AGMO: variants seen among roughly 807,000 people sequenced by gnomAD.
AGMO encodes the protein alkylglycerol monooxygenase, also known as glyceryl-ether monooxygenase.
Under a neutral mutation model 60.2 loss-of-function variants are expected in AGMO, and 75 were observed. The observed-to-expected ratio is 1.25, with a 90% CI of 1.03 to 1.51. The LOEUF (loss-of-function observed/expected upper bound fraction) is 1.51. Among genes scored for constraint, AGMO ranks in the 40% most tolerant of loss-of-function variants. The pLI is 0.00. For missense variants in AGMO, 763 were observed against 525.5 expected, an observed-to-expected ratio of 1.45 and a Z score of -4.42; for synonymous variants, 261 against 177.1, an observed-to-expected ratio of 1.47 and a Z score of -3.76.
intron 12 of AGMO, among the ~76,000 whole-genome samples, chr7:15,225,882 T>A (rs1381288791): frequency 1.3e-5 from 2 of 151,982 alleles, no homozygotes; most frequent in Non-Finnish European, 2.9e-5. Flanking sequence ...GTTTTTGACA[T>A]TTTTTTCATA....
intron 12 of AGMO, among the ~76,000 whole-genome samples, chr7:15,327,145 C>T (rs1781363272): frequency 6.6e-6 from 1 of 152,114 alleles, no homozygotes; most frequent in South Asian, 2.1e-4. Flanking sequence ...ATTACGTTCC[C>T]AGAACAGGCA....
intron 5 of AGMO, among the ~76,000 whole-genome samples, chr7:15,416,948 C>A (rs912637517): frequency 2.6e-5 from 4 of 152,190 alleles, no homozygotes; most frequent in African/African-American, 9.6e-5. Flanking sequence ...TCTCCAGAAG[C>A]AGTCATGGTG....
chr7:15,269,476 G>T (rs1434080748), intron 12 of AGMO, among the ~76,000 whole-genome samples: 1 of 152,056 alleles, frequency 6.6e-6, no homozygotes, highest in Admixed American at 6.6e-5. Context: ...AAGTGAGCTG[G>T]AAAGACAGGA....
intron 12 of AGMO, among the ~76,000 whole-genome samples, chr7:15,293,063 C>T (rs984788890): frequency 1.3e-5 from 2 of 152,020 alleles, no homozygotes; most frequent in African/African-American, 2.4e-5. Flanking sequence ...GCATCCGGCT[C>T]TTCCTCCAGT....
chr7:15,427,778 C>T (rs1299838362), intron 4 of AGMO, among the ~76,000 whole-genome samples: 1 of 151,900 alleles, frequency 6.6e-6, no homozygotes, highest in African/African-American at 2.4e-5. Context: ...CATGCAAAAC[C>T]ATATATTGCA....
At position 15,404,589 on chromosome 7, in the gene AGMO, G is replaced by T. The variant is rs78341164; in HGVS notation, c.610-10410C>A. Among the ~76,000 whole-genome samples, 237 of 151,856 alleles carry T rather than the reference G, an allele frequency of 1.6e-3. 4 individuals are homozygous for T. In the East Asian group the frequency reaches 0.041, roughly 26 times the overall value. On this transcript the variant is annotated intron_variant, in intron 5 of 12. Coordinates refer to ENST00000342526, the MANE Select transcript of AGMO (RefSeq NM_001004320.2). ...AGGTTTAGGCATCCAGTGATAAATG[G>T]AATCATGCTAGTATGAGTAATAATA...
intron 2 of AGMO, among the ~76,000 whole-genome samples, chr7:15,553,587 A>G (rs1276354932): frequency 6.6e-6 from 1 of 151,996 alleles, no homozygotes; most frequent in Non-Finnish European, 1.5e-5. Flanking sequence ...CCCTCAGTTT[A>G]ATACCTTTTT....
chr7:15,124,252 G>GT, the AGMO span, among the ~76,000 whole-genome samples: 3 of 151,850 alleles, frequency 2.0e-5, no homozygotes, highest in South Asian at 2.1e-4. Context: ...TGGCTGACTG[G>GT]TTTTTTCCCT....
chr7:15,535,275 G>A (rs1404467063), intron 3 of AGMO, among the ~76,000 whole-genome samples: 1 of 151,538 alleles, frequency 6.6e-6, no homozygotes, highest in African/African-American at 2.4e-5. Context: ...TTATTTCTTA[G>A]ACATAAGCTT....
At chr7:15,317,733 G>C (rs939946114) in intron 12 of AGMO, among the ~76,000 whole-genome samples, 1 of 151,718 alleles carries the variant, frequency 6.6e-6, no homozygotes, top group Non-Finnish European at 1.5e-5. Context: ...TCTGTTATAA[G>C]AAGTAGTAGA....
At chr7:15,165,315 C>A in the AGMO span, among the ~76,000 whole-genome samples, 1 of 151,996 alleles carries the variant, frequency 6.6e-6, no homozygotes, top group Non-Finnish European at 1.5e-5. Context: ...ACACTAGAAG[C>A]CCAAACCTGA....
intron 2 of AGMO, among the ~76,000 whole-genome samples, chr7:15,558,000 TCTC>T (rs1785194660): frequency 5.7e-3 from 2 of 348 alleles, no homozygotes; most frequent in Admixed American, 0.042. Context: ...TTTTTCCTTC[TCTC>T]TCTCTCTCTC....
chr7:15,358,861 T>C (rs559412655), intron 12 of AGMO, among the ~76,000 whole-genome samples: 1 of 152,160 alleles, frequency 6.6e-6, no homozygotes, highest in Non-Finnish European at 1.5e-5. Context: ...TTGGGGATGA[T>C]GACCTAAATG....
chr7:15,529,556 A>AGTATATATATTCTATATATAGAGT (rs1562554675), intron 3 of AGMO, among the ~76,000 whole-genome samples: 15 of 55,060 alleles, frequency 2.7e-4, no homozygotes, highest in African/African-American at 9.3e-4. Flanking sequence ...ATATATATAG[A>AGTATATATATTCTATATATAGAGT]ATATATATTC....
rs1380346979 is a variant in AGMO, at chr7:15,322,595, T to TATATATAAATATATATAA, written c.1263+42901_1263+42918dup. Among the ~76,000 whole-genome samples the TATATATAAATATATATAA allele has an allele frequency of 1.8e-4, 8 of 44,680 alleles. 1 individual carries two copies. Among genetic ancestry groups the TATATATAAATATATATAA allele is most frequent in the East Asian group, 4.9e-4 (1 of 2,026 alleles). The allele number at this position is 44,680 out of a possible 152,430, so 29.3% of individuals were successfully genotyped here. On this transcript the variant is annotated intron_variant, in intron 12 of 12. Transcript: ENST00000342526. Reference sequence around the variant, plus strand: ...ATATAAATATATATAAATATATAAATATATATAAATATATATAAATATATA... The same window carrying TATATATAAATATATATAA: ...ATATAAATATATATAAATATATAAATATATATAAATATATATAAATATATAAATATATATAAATATATA...
intron 3 of AGMO, among the ~76,000 whole-genome samples, chr7:15,512,609 A>C (rs946397947): frequency 1.3e-5 from 2 of 152,178 alleles, no homozygotes; most frequent in African/African-American, 4.8e-5. Flanking sequence ...GTTTGCCTAC[A>C]TATTTAGTTG....
At chr7:15,284,640 C>G (rs760043668) in intron 12 of AGMO, among the ~76,000 whole-genome samples, 4 of 151,826 alleles carry the variant, frequency 2.6e-5, no homozygotes, top group Admixed American at 6.6e-5. Context: ...TTCCACCAGA[C>G]AGTCAAAGAA....
chr7:15,134,469 G>A, the AGMO span, among the ~76,000 whole-genome samples: 3 of 152,064 alleles, frequency 2.0e-5, no homozygotes, highest in Non-Finnish European at 4.4e-5. Context: ...CCACCCTCAA[G>A]TAGGCCCTGG....
At chr7:15,368,304 A>G (rs994977095) in intron 10 of AGMO, among the ~76,000 whole-genome samples, 1 of 151,786 alleles carries the variant, frequency 6.6e-6, no homozygotes, top group Admixed American at 6.6e-5. Flanking sequence ...AACCAGAAAA[A>G]TATTTTCCTG....
Sources: gnomAD v4.1 joint callset for allele counts (sites outside exome capture counted in the v4.1 genomes callset) on GRCh38, gnomAD v4.1.1 for gene constraint, MANE v1.5 for transcripts, NCBI Gene and HGNC (gene_info 2026-07-23, HGNC 2026-07-21) for gene names.